The following MLLT10 variants were observed in gnomAD, a reference collection of about 807,000 sequenced individuals.
MLLT10 encodes protein AF-10.
Under a neutral mutation model 129.1 loss-of-function variants are expected in MLLT10, and 30 were observed. The ratio of observed to expected loss-of-function variants is 0.23; its 90% CI spans 0.17 to 0.32. The LOEUF is 0.32. Ranked by LOEUF, MLLT10 falls within the 10% of genes least tolerant of loss-of-function variation. MLLT10 has a pLI of 1.00. For synonymous variants in MLLT10, 490 were observed against 446.4 expected (o/e 1.10, Z -1.23); for missense variants, 1,119 against 1,268.3 (o/e 0.88, Z 1.79).
Position 21,610,618 on chromosome 10 carries a change from CT to C in MLLT10, c.406-1717del, listed in dbSNP as rs76661876. ...CCATTCTGGATGTTTCACCCCCCTT[CT>C]TTTTTTTTTTTTATAAATAAAAATT... On this transcript the variant is annotated intron_variant, in intron 5 of 22. Transcript: ENST00000307729. Among the ~76,000 whole-genome samples the C allele has an allele frequency of 5.5e-3, 762 of 137,990 alleles. 6 individuals are homozygous for C. Among genetic ancestry groups the C allele is most frequent in the African/African-American group, 0.015 (575 of 38,016 alleles). 90.5% of individuals were successfully genotyped at this position (137,990 alleles called of 152,430 possible).
chr10:21,644,908 G>A (rs1393884953), intron 8 of MLLT10, among the ~76,000 whole-genome samples: 1 of 152,156 alleles, frequency 6.6e-6, no homozygotes, highest in African/African-American at 2.4e-5. Context: ...TAGAATTACA[G>A]GGGAGAGCCA....
chr10:21,534,992 TC>T, intron 2 of MLLT10, among the ~76,000 whole-genome samples, 188 bp downstream of exon 2: 1 of 148,744 alleles, frequency 6.7e-6, no homozygotes, highest in African/African-American at 2.4e-5. Context: ...GCCCGGACTG[TC>T]ATGTGATTCC....
intron 11 of MLLT10, 116 bp downstream of exon 11, chr10:21,674,035 A>G (rs2051791045): frequency 2.6e-6 from 2 of 783,282 alleles, no homozygotes; most frequent in South Asian, 3.3e-5. Context: ...ATGACATTTA[A>G]TTAAAGTGAA....
intron 13 of MLLT10, among the ~76,000 whole-genome samples, chr10:21,701,820 C>A (rs1325963850): frequency 6.6e-6 from 1 of 152,116 alleles, no homozygotes; most frequent in African/African-American, 2.4e-5. Context: ...AACTCCTGAC[C>A]TCAGGCAGTC....
intron 9 of MLLT10, chr10:21,661,503 T>C (rs1355368459): frequency 6.6e-6 from 1 of 152,238 alleles, no homozygotes; most frequent in Non-Finnish European, 1.5e-5. Flanking sequence ...CTTTATCTTA[T>C]TTTATTACTC....
intron 13 of MLLT10, among the ~76,000 whole-genome samples, chr10:21,705,009 C>T (rs2055358245): frequency 1.3e-5 from 2 of 152,036 alleles, no homozygotes; most frequent in South Asian, 4.2e-4. Context: ...TTAGTGGGTC[C>T]AGGTAGGCTG....
intron 17 of MLLT10, 114 bp from the exon 18 acceptor site, chr10:21,732,785 A>T: frequency 1.2e-6 from 1 of 810,140 alleles, no homozygotes; most frequent in Non-Finnish European, 1.8e-6. Context: ...GAAACACTTT[A>T]CAGAATTTCT....
At chr10:21,611,157 C>T (rs569952632) in intron 5 of MLLT10, among the ~76,000 whole-genome samples, 293 of 149,296 alleles carry the variant, frequency 2.0e-3, no homozygotes, top group Non-Finnish European at 3.0e-3. Flanking sequence ...CCACCATGCC[C>T]GGCTATTTTT....
At chr10:21,590,624 C>T (rs1345855127) in intron 4 of MLLT10, among the ~76,000 whole-genome samples, 1 of 152,158 alleles carries the variant, frequency 6.6e-6, no homozygotes, top group Non-Finnish European at 1.5e-5. Flanking sequence ...CAGGCGGGAG[C>T]CACCACACCC....
At chr10:21,654,495 T>C (rs16921884) in intron 9 of MLLT10, among the ~76,000 whole-genome samples, 4,204 of 152,164 alleles carry the variant, frequency 0.028, 202 homozygotes, top group African/African-American at 0.095. Flanking sequence ...GTTGTGACGA[T>C]TTGAGGAGTA....
chr10:21,599,582 A>G (rs1199907954), intron 5 of MLLT10, among the ~76,000 whole-genome samples: 4 of 152,002 alleles, frequency 2.6e-5, no homozygotes, highest in South Asian at 2.1e-4. Flanking sequence ...ATTTGATCAA[A>G]GTGACCCTGT....
intron 2 of MLLT10, 78 bp downstream of exon 2, chr10:21,534,882 C>T (rs1348232115): frequency 9.6e-7 from 1 of 1,036,656 alleles, no homozygotes; most frequent in Non-Finnish European, 1.2e-6. Context: ...GCCGCAACCG[C>T]CGGCGCCCCC....
chr10:21,549,775 A>C (rs2036685584), intron 3 of MLLT10, among the ~76,000 whole-genome samples: 1 of 147,766 alleles, frequency 6.8e-6, no homozygotes. Context: ...AGTAGCTGGG[A>C]TTACAGGTGT....
intron 3 of MLLT10, chr10:21,556,761 TTTC>T: frequency 1.2e-6 from 2 of 1,606,518 alleles, no homozygotes; most frequent in Non-Finnish European, 8.5e-7. Context: ...GTTCCTCCAG[TTTC>T]TGGTGCTCTG....
Position 21,534,459 on chromosome 10 carries a change from T to G in MLLT10, c.-62T>G. ...GGCGGTGGAGGGGAGGTGGGGGGAA[T>G]CAGCAAGGACATGGCTCCTGACTCC... On this transcript the variant is annotated 5_prime_UTR_variant, in exon 1 of 23. Coordinates refer to ENST00000307729, the MANE Select transcript of MLLT10 (RefSeq NM_001195626.3). 2 of 517,362 alleles carry G rather than the reference T, an allele frequency of 3.9e-6. No homozygotes were observed. The highest frequency in any genetic ancestry group is 3.1e-5 in the South Asian group (1 of 32,352). The allele number at this position is 517,362 out of a possible 1,614,324, so 32.0% of individuals were successfully genotyped here. A position where few individuals can be genotyped will look rare whatever the true frequency, so the allele number is the denominator to read the frequency against.
intron 2 of MLLT10, among the ~76,000 whole-genome samples, chr10:21,535,343 C>T (rs1036553218): frequency 1.3e-5 from 2 of 152,058 alleles, no homozygotes; most frequent in Admixed American, 6.5e-5. Context: ...GGGAGGGATG[C>T]GGGGCCCGTT....
chr10:21,671,451 G>C (rs1437514202), intron 10 of MLLT10, among the ~76,000 whole-genome samples: 3 of 152,132 alleles, frequency 2.0e-5, no homozygotes, highest in Non-Finnish European at 4.4e-5. Flanking sequence ...AGGCCAGCTT[G>C]GGCAATGTGG....
intron 13 of MLLT10, among the ~76,000 whole-genome samples, chr10:21,684,268 CT>C (rs977101848): frequency 5.9e-5 from 9 of 152,172 alleles, no homozygotes; most frequent in African/African-American, 2.2e-4. Context: ...CCTTGACTCT[CT>C]TATGTACTCA....
chr10:21,731,355 GTTA>G (rs1172725717), intron 17 of MLLT10, among the ~76,000 whole-genome samples: 3 of 151,750 alleles, frequency 2.0e-5, no homozygotes, highest in African/African-American at 7.3e-5. Flanking sequence ...ATATCAGAGG[GTTA>G]TTGTGAGGAT....
Sources: allele counts gnomAD v4.1 joint callset (sites outside exome capture counted in the v4.1 genomes callset), GRCh38; gene constraint gnomAD v4.1.1; transcripts MANE v1.5; gene names NCBI Gene and HGNC (gene_info 2026-07-23, HGNC 2026-07-21).